Variants in SORCS3 observed in about 807,000 individuals in gnomAD.
The protein encoded by SORCS3 is sortilin related VPS10 domain containing receptor 3, also known as VPS10 domain-containing receptor SorCS3.
A neutral mutation model predicts 146.3 loss-of-function variants in SORCS3; 57 were observed. The ratio of observed to expected loss-of-function variants is 0.39; its 90% CI spans 0.31 to 0.49. The LOEUF (loss-of-function observed/expected upper bound fraction) is 0.49. SORCS3 is among the 20% of genes least tolerant of loss of function. The pLI is 0.92. For synonymous variants in SORCS3, 653 were observed against 618.5 expected (o/e 1.06, Z -0.83); for missense variants, 1,341 against 1,575.5 (o/e 0.85, Z 2.52).
intron 3 of SORCS3, among the ~76,000 whole-genome samples, chr10:104,943,185 A>G (rs1286785426): frequency 6.6e-6 from 1 of 152,150 alleles, no homozygotes; most frequent in African/African-American, 2.4e-5. Flanking sequence ...GCTGGAGTGC[A>G]GTGGTGCATT....
At chr10:104,982,204 G>T (rs1254472767) in intron 4 of SORCS3, among the ~76,000 whole-genome samples, 1 of 152,154 alleles carries the variant, frequency 6.6e-6, no homozygotes, top group Non-Finnish European at 1.5e-5. Context: ...GGAGGTGCTT[G>T]TCCCACGCAG....
chr10:104,963,921 A>G (rs2054811850), intron 3 of SORCS3, among the ~76,000 whole-genome samples: 1 of 152,158 alleles, frequency 6.6e-6, no homozygotes, highest in African/African-American at 2.4e-5. Flanking sequence ...ACTTTCTCTG[A>G]CACTCTACAT....
At chr10:104,921,975 T>C (rs1362365652) in intron 3 of SORCS3, among the ~76,000 whole-genome samples, 1 of 152,224 alleles carries the variant, frequency 6.6e-6, no homozygotes, top group Non-Finnish European at 1.5e-5. Flanking sequence ...ATAATTACTT[T>C]CAGGCTACCC....
chr10:105,060,011 G>A (rs1211869695), intron 5 of SORCS3, among the ~76,000 whole-genome samples: 1 of 152,194 alleles, frequency 6.6e-6, no homozygotes, highest in African/African-American at 2.4e-5. Flanking sequence ...GATACAGTAG[G>A]ACAAAGACAA....
At chr10:105,013,889 G>A (rs2055148973) in intron 4 of SORCS3, among the ~76,000 whole-genome samples, 2 of 151,738 alleles carry the variant, frequency 1.3e-5, no homozygotes, top group African/African-American at 4.8e-5. Context: ...GAGGAATAAA[G>A]GGTGTGTGGT....
intron 4 of SORCS3, among the ~76,000 whole-genome samples, chr10:105,006,042 A>G (rs913352973): frequency 7.9e-5 from 12 of 152,156 alleles, no homozygotes; most frequent in Admixed American, 7.2e-4. Flanking sequence ...CTTGGGTTCA[A>G]GCGATTCTCC....
Position 104,671,325 on chromosome 10 carries a change from C to CTTTTTTTTTTTTTTTTTTTTT in SORCS3, c.627+29378_627+29398dup, listed in dbSNP as rs771029154. ...ATGTTAAGGTAGTTTCATTCTTTTC[C>CTTTTTTTTTTTTTTTTTTTTT]TTTTTTTTTTTTTTTTTTTTTTTTT... On this transcript the variant is annotated intron_variant, in intron 1 of 26. Transcript: ENST00000369701. Among the ~76,000 whole-genome samples, 81 of 19,202 alleles carry CTTTTTTTTTTTTTTTTTTTTT rather than the reference C, an allele frequency of 4.2e-3. 33 individuals are homozygous for CTTTTTTTTTTTTTTTTTTTTT. Among genetic ancestry groups the CTTTTTTTTTTTTTTTTTTTTT allele is most frequent in the East Asian group, 9.0e-3 (4 of 446 alleles). 12.6% of individuals were successfully genotyped at this position (19,202 alleles called of 152,430 possible).
intron 11 of SORCS3, among the ~76,000 whole-genome samples, chr10:105,160,309 A>G (rs1219901173): frequency 1.3e-5 from 2 of 152,212 alleles, no homozygotes; most frequent in East Asian, 1.9e-4. Flanking sequence ...ATTGCAGGAT[A>G]TAATGAAACA....
At chr10:105,160,056 C>CGAGGAT (rs2056249184) in intron 11 of SORCS3, among the ~76,000 whole-genome samples, 1 of 152,170 alleles carries the variant, frequency 6.6e-6, no homozygotes, top group African/African-American at 2.4e-5. Context: ...AGAAGTGATC[C>CGAGGAT]TCACACTCTG....
At chr10:104,740,889 A>C (rs537133648) in intron 1 of SORCS3, among the ~76,000 whole-genome samples, 6 of 152,076 alleles carry the variant, frequency 3.9e-5, no homozygotes, top group African/African-American at 1.2e-4. Context: ...TTCCATTAGC[A>C]ATCATTGTAG....
At position 105,214,519 on chromosome 10, in the gene SORCS3, GA is replaced by G. The variant is rs1564786599; in HGVS notation, c.2457del (p.Ala820ProfsTer8). On this transcript the variant is annotated frameshift_variant, in exon 18 of 27. Transcript: ENST00000369701. LOFTEE classifies it high-confidence loss of function. ...ACCGCCAAGGCCCAGATGTGCCCTG[GA>G]AAAGCCCCTCGGGGCCTCCATGTGG... The part of the protein sequence containing the change: ...KYTAKAQMCP[G>X]KAPRGLHVVT... 6.2e-7 allele frequency: 1 copy of G among 1,614,046 alleles called. No individual in the cohort carries two copies. The highest frequency in any genetic ancestry group is 1.3e-5 in the African/African-American group (1 of 75,040).
chr10:104,868,901 A>G (rs2018487936), intron 2 of SORCS3, among the ~76,000 whole-genome samples: 1 of 152,174 alleles, frequency 6.6e-6, no homozygotes, highest in Non-Finnish European at 1.5e-5. Context: ...GGTGTATCCA[A>G]TGCAAATATT....
intron 17 of SORCS3, 81 bp from the exon 18 acceptor site, chr10:105,214,361 T>G: frequency 9.4e-7 from 1 of 1,068,352 alleles, no homozygotes. Context: ...TACATTCCCT[T>G]TATAACACAC....
At chr10:104,673,588 T>C (rs1479107933) in intron 1 of SORCS3, among the ~76,000 whole-genome samples, 1 of 151,958 alleles carries the variant, frequency 6.6e-6, no homozygotes, top group African/African-American at 2.4e-5. Flanking sequence ...CTCAACCTCC[T>C]AGGTGCATGC....
In SORCS3 at chr10:104,977,413, C is replaced by T. The variant is rs368760343; in HGVS notation, c.874C>T (p.Arg292Trp). 21 of 1,613,634 alleles carry T rather than the reference C, an allele frequency of 1.3e-5. No individual in the cohort carries two copies. Among genetic ancestry groups the T allele is most frequent in the South Asian group, 6.6e-5 (6 of 91,072 alleles). ...CGAAGGGGCGACCTATCAGAAGTAT[C>T]GGCTCACCTTCTATATCCAGAGCCT... ...SDEGATYQKY[R>W]LTFYIQSLLF... Residue 292 changes from arginine to tryptophan, a missense_variant, in exon 4 of 27, where the codon CGG becomes TGG. Physicochemically the swap from Arg to Trp is moderately radical, Grantham distance 101. Coordinates refer to ENST00000369701, the MANE Select transcript of SORCS3 (RefSeq NM_014978.3).
chr10:104,681,173 G>T (rs2015969352), intron 1 of SORCS3, among the ~76,000 whole-genome samples: 1 of 152,248 alleles, frequency 6.6e-6, no homozygotes, highest in African/African-American at 2.4e-5. Context: ...AGACGCTCAT[G>T]AATCAGCATG....
At chr10:105,080,027 C>T (rs2055612863) in intron 5 of SORCS3, among the ~76,000 whole-genome samples, 1 of 152,120 alleles carries the variant, frequency 6.6e-6, no homozygotes, top group Admixed American at 6.5e-5. Flanking sequence ...CATTCACGCG[C>T]ATGTGTCTTT....
chr10:105,151,784 TAGAG>T (rs1420351323), intron 9 of SORCS3, among the ~76,000 whole-genome samples: 1 of 152,146 alleles, frequency 6.6e-6, no homozygotes, highest in African/African-American at 2.4e-5. Context: ...TCTCCTGCTG[TAGAG>T]AGATTCTCCT....
intron 2 of SORCS3, among the ~76,000 whole-genome samples, chr10:104,880,718 A>G (rs2018621998): frequency 2.0e-5 from 3 of 152,228 alleles, no homozygotes; most frequent in Admixed American, 1.3e-4. Flanking sequence ...CCAGCCCTCT[A>G]TTAGAAACCC....
Sources: allele counts gnomAD v4.1 joint callset (sites outside exome capture counted in the v4.1 genomes callset), GRCh38; gene constraint gnomAD v4.1.1; transcripts MANE v1.5; gene names NCBI Gene and HGNC (gene_info 2026-07-23, HGNC 2026-07-21).